Variants in CACNG2 observed in about 807,000 individuals in gnomAD.
CACNG2 encodes the protein calcium voltage-gated channel auxiliary subunit gamma 2.
CACNG2 carries 3 observed loss-of-function variants against 25.9 expected under a neutral mutation model. That is an observed-to-expected ratio of 0.12 (90% CI 0.05 to 0.30). The LOEUF (loss-of-function observed/expected upper bound fraction) is 0.30. Ranked by LOEUF, CACNG2 falls within the 10% of genes least tolerant of loss-of-function variation. The pLI is 1.00. For synonymous variants in CACNG2, 167 were observed against 173.3 expected (o/e 0.96, Z 0.29); for missense variants, 341 against 432.5 (o/e 0.79, Z 1.88).
At chr22:36,596,118 G>A (rs1300292194) in intron 1 of CACNG2, among the ~76,000 whole-genome samples, 2 of 152,242 alleles carry the variant, frequency 1.3e-5, no homozygotes, top group Non-Finnish European at 2.9e-5. Context: ...AGCAGCTCTG[G>A]AGCCAGGAGG....
chr22:36,565,658 T>A (rs1236859273), intron 3 of CACNG2, among the ~76,000 whole-genome samples: 1 of 152,054 alleles, frequency 6.6e-6, no homozygotes. Context: ...AATAAAAAAA[T>A]TTCTGTAGAG....
intron 1 of CACNG2, among the ~76,000 whole-genome samples, chr22:36,601,162 T>C (rs1935748978): frequency 6.6e-6 from 1 of 152,198 alleles, no homozygotes; most frequent in Non-Finnish European, 1.5e-5. Context: ...TCACCCCAGA[T>C]CTTGGTAACC....
intron 1 of CACNG2, among the ~76,000 whole-genome samples, chr22:36,592,245 G>C (rs1935607670): frequency 6.6e-6 from 1 of 150,766 alleles, no homozygotes; most frequent in African/African-American, 2.4e-5. Flanking sequence ...CGGGGGTGGG[G>C]GGTGGAGCGG....
intron 1 of CACNG2, among the ~76,000 whole-genome samples, chr22:36,629,756 C>G (rs1396127339): frequency 6.6e-6 from 1 of 152,108 alleles, no homozygotes; most frequent in Admixed American, 6.5e-5. Flanking sequence ...CACAAGTTCC[C>G]AAGTTTCCCA....
chr22:36,662,652 G>A (rs6519028), intron 1 of CACNG2, among the ~76,000 whole-genome samples: 15,645 of 152,162 alleles, frequency 0.1, 2,683 homozygotes, highest in African/African-American at 0.36. Context: ...ACTATCGGTA[G>A]GTTCTCCTTT....
At chr22:36,646,688 T>C (rs1439668096) in intron 1 of CACNG2, among the ~76,000 whole-genome samples, 1 of 151,864 alleles carries the variant, frequency 6.6e-6, no homozygotes, top group Non-Finnish European at 1.5e-5. Context: ...TCTAGTTGTA[T>C]GCTCTTTTCT....
chr22:36,588,538 A>G (rs1164769990), intron 1 of CACNG2, among the ~76,000 whole-genome samples: 1 of 152,258 alleles, frequency 6.6e-6, no homozygotes, highest in East Asian at 1.9e-4. Context: ...GCATAGGCAC[A>G]GTGAATGTCC....
At chr22:36,609,133 A>T (rs1238606479) in intron 1 of CACNG2, among the ~76,000 whole-genome samples, 1 of 151,992 alleles carries the variant, frequency 6.6e-6, no homozygotes. Flanking sequence ...CTAGAGTGTG[A>T]TCGGGCAGGA....
At chr22:36,656,101 C>T (rs1936702739) in intron 1 of CACNG2, among the ~76,000 whole-genome samples, 1 of 152,162 alleles carries the variant, frequency 6.6e-6, no homozygotes, top group Non-Finnish European at 1.5e-5. Context: ...AGTCACCGCA[C>T]CTGGCCCACT....
chr22:36,675,671 TG>T (rs1243764363), intron 1 of CACNG2, among the ~76,000 whole-genome samples: 1 of 152,228 alleles, frequency 6.6e-6, no homozygotes, highest in Non-Finnish European at 1.5e-5. Flanking sequence ...GTCAGGGCAC[TG>T]GAGGGCCCAG....
At chr22:36,677,049 T>C (rs953278992) in intron 1 of CACNG2, among the ~76,000 whole-genome samples, 1 of 152,082 alleles carries the variant, frequency 6.6e-6, no homozygotes, top group African/African-American at 2.4e-5. Context: ...TACTCTTCTC[T>C]GGTTCTAACA....
At chr22:36,632,004 A>C (rs1936280089) in intron 1 of CACNG2, among the ~76,000 whole-genome samples, 1 of 152,136 alleles carries the variant, frequency 6.6e-6, no homozygotes, top group Admixed American at 6.5e-5. Flanking sequence ...ATAAGGAAAG[A>C]AGTGGAGTAA....
At chr22:36,570,411 C>G (rs185121792) in intron 2 of CACNG2, among the ~76,000 whole-genome samples, 11 of 152,300 alleles carry the variant, frequency 7.2e-5, no homozygotes, top group Non-Finnish European at 1.5e-5. Context: ...CTCTTCGGCA[C>G]AGAAGAGCCA....
chr22:36,626,852 C>T (rs1936192127), intron 1 of CACNG2, among the ~76,000 whole-genome samples: 1 of 152,196 alleles, frequency 6.6e-6, no homozygotes, highest in South Asian at 2.1e-4. Flanking sequence ...AACGAAGACC[C>T]CAAAGATGGT....
intron 1 of CACNG2, among the ~76,000 whole-genome samples, chr22:36,588,792 G>A (rs1046585026): frequency 1.3e-5 from 2 of 152,174 alleles, no homozygotes; most frequent in African/African-American, 4.8e-5. Context: ...GGGCATTGAC[G>A]TGAGACAGAA....
chr22:36,695,759 A>C (rs1042376827), intron 1 of CACNG2, among the ~76,000 whole-genome samples: 1 of 152,120 alleles, frequency 6.6e-6, no homozygotes, highest in Non-Finnish European at 1.5e-5. Context: ...GCTGTAATTT[A>C]TATACATGTG....
chr22:36,622,789 T>C (rs1936125085), intron 1 of CACNG2, among the ~76,000 whole-genome samples: 1 of 151,846 alleles, frequency 6.6e-6, no homozygotes, highest in Non-Finnish European at 1.5e-5. Flanking sequence ...AGAAACCCCG[T>C]CTCTACCAAT....
At chr22:36,686,157 A>G (rs1439412503) in intron 1 of CACNG2, among the ~76,000 whole-genome samples, 2 of 152,154 alleles carry the variant, frequency 1.3e-5, no homozygotes, top group Non-Finnish European at 2.9e-5. Flanking sequence ...TGGCAGGAGA[A>G]AGGGGAGAGT....
intron 1 of CACNG2, among the ~76,000 whole-genome samples, chr22:36,645,297 G>A (rs1936501655): frequency 6.6e-6 from 1 of 152,016 alleles, no homozygotes; most frequent in Admixed American, 6.6e-5. Flanking sequence ...CAGCACTTTG[G>A]GAGGCTGAGA....
Sources: gnomAD v4.1 joint callset for allele counts (sites outside exome capture counted in the v4.1 genomes callset) on GRCh38, gnomAD v4.1.1 for gene constraint, MANE v1.5 for transcripts, NCBI Gene and HGNC (gene_info 2026-07-23, HGNC 2026-07-21) for gene names.